NFATC3: variants seen among roughly 807,000 people sequenced by gnomAD.
NFATC3 encodes nuclear factor of activated T-cells, cytoplasmic 3.
In NFATC3, 46 loss-of-function variants were observed where a neutral mutation model predicts 98.6. The ratio of observed to expected loss-of-function variants is 0.47; its 90% CI spans 0.37 to 0.60. The LOEUF is 0.60. NFATC3 is among the 20% of genes least tolerant of loss of function. NFATC3 has a pLI of 0.00. For missense variants in NFATC3, 1,256 were observed against 1,295.5 expected, an observed-to-expected ratio of 0.97 and a Z score of 0.47; for synonymous variants, 512 against 472.2, an observed-to-expected ratio of 1.08 and a Z score of -1.09.
chr16:68,214,478 G>A, intron 9 of NFATC3: 2 of 1,542,492 alleles, frequency 1.3e-6, no homozygotes, highest in Non-Finnish European at 1.8e-6. Context: ...CCCAAGTCTG[G>A]TATTTGCATG....
At chr16:68,112,275 T>TTTC (rs1004407604) in intron 1 of NFATC3, among the ~76,000 whole-genome samples, 2 of 133,522 alleles carry the variant, frequency 1.5e-5, no homozygotes, top group African/African-American at 5.8e-5. Context: ...AGTCTTTTTT[T>TTTC]TTTTTTTTTT....
intron 1 of NFATC3, among the ~76,000 whole-genome samples, chr16:68,092,619 C>T (rs1219498391): frequency 7.7e-6 from 1 of 130,074 alleles, no homozygotes; most frequent in Non-Finnish European, 1.7e-5. Context: ...ATTAGTACAT[C>T]GAAGCTGGGT....
intron 3 of NFATC3, among the ~76,000 whole-genome samples, chr16:68,134,188 T>A (rs892988092): frequency 1.3e-5 from 2 of 152,210 alleles, no homozygotes; most frequent in Non-Finnish European, 2.9e-5. Flanking sequence ...CATGAAGTGT[T>A]TGTTCACATC....
intron 9 of NFATC3, among the ~76,000 whole-genome samples, chr16:68,192,956 T>G (rs1307989482): frequency 6.6e-6 from 1 of 152,150 alleles, no homozygotes; most frequent in Non-Finnish European, 1.5e-5. Flanking sequence ...GAGCCAAGTT[T>G]TGGAGGATGA....
chr16:68,103,735 G>A (rs2035493216), intron 1 of NFATC3, among the ~76,000 whole-genome samples: 1 of 152,140 alleles, frequency 6.6e-6, no homozygotes, highest in Non-Finnish European at 1.5e-5. Flanking sequence ...GTATGAGGAA[G>A]GGGTTCAACT....
At chr16:68,145,694 CAG>C (rs2038006291) in intron 3 of NFATC3, among the ~76,000 whole-genome samples, 1 of 152,106 alleles carries the variant, frequency 6.6e-6, no homozygotes, top group Non-Finnish European at 1.5e-5. Context: ...TGCCAGGAAA[CAG>C]GGTCAGGTTG....
rs1390275015 is a variant in NFATC3 at position 68,227,874 on chromosome 16, C to T, written c.*1403C>T. The T allele has an allele frequency of 6.6e-6, 1 of 151,976 alleles. No homozygotes were observed. Among genetic ancestry groups the T allele is most frequent in the Non-Finnish European group, 1.5e-5 (1 of 68,012 alleles). 9.4% of individuals were successfully genotyped at this position (151,976 alleles called of 1,614,324 possible). The stretch of plus-strand genomic sequence containing the variant: ...ACCTGTTCCTGGGCCCATTACAGAG[C>T]CTCTGAAGTTTGCAGTATGCTTTCA... On this transcript the variant is annotated 3_prime_UTR_variant, in exon 10 of 10. Transcript: ENST00000346183.
intron 1 of NFATC3, among the ~76,000 whole-genome samples, chr16:68,112,175 G>C (rs759781331): frequency 6.6e-6 from 1 of 151,832 alleles, no homozygotes; most frequent in Non-Finnish European, 1.5e-5. Flanking sequence ...TTGCTAGGTT[G>C]GGGAAGTTCT....
intron 9 of NFATC3, among the ~76,000 whole-genome samples, chr16:68,196,461 A>G (rs1189618247): frequency 6.6e-6 from 1 of 152,196 alleles, no homozygotes; most frequent in Admixed American, 6.6e-5. Context: ...CTCATTTATT[A>G]TGATATTTGG....
At chr16:68,173,837 T>G (rs1198668784) in intron 5 of NFATC3, among the ~76,000 whole-genome samples, 1 of 152,124 alleles carries the variant, frequency 6.6e-6, no homozygotes, top group Non-Finnish European at 1.5e-5. Flanking sequence ...TTTATTAGTT[T>G]CTTTATAGTT....
At chr16:68,155,568 G>A (rs1047719696) in intron 3 of NFATC3, among the ~76,000 whole-genome samples, 10 of 152,194 alleles carry the variant, frequency 6.6e-5, no homozygotes, top group Non-Finnish European at 1.5e-4. Context: ...ACTTGGTTAT[G>A]AAGCATAGGT....
intron 9 of NFATC3, among the ~76,000 whole-genome samples, chr16:68,222,998 C>A (rs1411287061): frequency 2.0e-5 from 3 of 152,174 alleles, no homozygotes; most frequent in African/African-American, 7.2e-5. Context: ...TTCTTATGCC[C>A]ACTTTATATT....
intron 9 of NFATC3, among the ~76,000 whole-genome samples, chr16:68,216,641 CCTT>C (rs1240718954): frequency 1.3e-5 from 2 of 151,236 alleles, no homozygotes; most frequent in Non-Finnish European, 3.0e-5. Flanking sequence ...AAACAATTCT[CCTT>C]CCTCAGCCTC....
chr16:68,143,206 T>A (rs2037848199), intron 3 of NFATC3, among the ~76,000 whole-genome samples: 1 of 111,668 alleles, frequency 9.0e-6, no homozygotes. Flanking sequence ...AGCAAGACCA[T>A]GCTAAAAAAA....
intron 9 of NFATC3, chr16:68,217,994 A>C: frequency 8.4e-7 from 1 of 1,187,938 alleles, no homozygotes; most frequent in African/African-American, 1.6e-5. Flanking sequence ...GATACCTTCT[A>C]AATTTTCAGG....
intron 3 of NFATC3, among the ~76,000 whole-genome samples, chr16:68,150,326 C>G (rs2038248710): frequency 6.6e-6 from 1 of 150,806 alleles, no homozygotes; most frequent in Admixed American, 6.6e-5. Context: ...CCCGTAATAC[C>G]AGCATTTTGG....
At chr16:68,163,160 A>G (rs1202406801) in intron 4 of NFATC3, among the ~76,000 whole-genome samples, 1 of 152,096 alleles carries the variant, frequency 6.6e-6, no homozygotes, top group East Asian at 1.9e-4. Flanking sequence ...CATGGCAACC[A>G]TCCGATTTCT....
chr16:68,162,802 G>A (rs1302759754), intron 4 of NFATC3, among the ~76,000 whole-genome samples: 2 of 151,418 alleles, frequency 1.3e-5, no homozygotes, highest in Admixed American at 6.6e-5. Flanking sequence ...AGGGGGATTT[G>A]GCAGGGTCAT....
At chr16:68,201,212 A>T (rs1287833805) in intron 9 of NFATC3, among the ~76,000 whole-genome samples, 1 of 151,202 alleles carries the variant, frequency 6.6e-6, no homozygotes, top group Non-Finnish European at 1.5e-5. Flanking sequence ...GATTACAGGC[A>T]TGAGCCACTG....
Sources: allele counts gnomAD v4.1 joint callset (sites outside exome capture counted in the v4.1 genomes callset), GRCh38; gene constraint gnomAD v4.1.1; transcripts MANE v1.5; gene names NCBI Gene and HGNC (gene_info 2026-07-23, HGNC 2026-07-21).